Variants in ATG2B observed in about 807,000 individuals in gnomAD.
ATG2B encodes autophagy related 2B, also known as autophagy-related protein 2 homolog B.
In ATG2B, 121 loss-of-function variants were observed where a neutral mutation model predicts 241.3. That is an observed-to-expected ratio of 0.50 (90% CI 0.43 to 0.58). The LOEUF (loss-of-function observed/expected upper bound fraction) is 0.58, where lower values mean the gene tolerates loss of function less well. Ranked by LOEUF, ATG2B falls within the 20% of genes least tolerant of loss-of-function variation. The pLI, the probability that ATG2B is intolerant of heterozygous loss-of-function variation, is 0.00. For synonymous variants in ATG2B, 858 were observed against 876.6 expected (o/e 0.98, Z 0.37); for missense variants, 2,306 against 2,491.6 (o/e 0.93, Z 1.59).
intron 12 of ATG2B, 24 bp from the exon 13 acceptor site, chr14:96,328,790 A>C (rs768322736): frequency 6.6e-7 from 1 of 1,525,874 alleles, no homozygotes; most frequent in Non-Finnish European, 9.0e-7. Context: ...ATGAAGATAA[A>C]TTAAATGTAT....
At chr14:96,340,884 C>T (rs1053278711) in intron 6 of ATG2B, among the ~76,000 whole-genome samples, 29 of 150,564 alleles carry the variant, frequency 1.9e-4, no homozygotes, top group African/African-American at 6.6e-4. Context: ...TGTCACTGCA[C>T]CCCTGCACCC....
In ATG2B at chr14:96,317,697, C is replaced by T. The variant is rs1887351997; in HGVS notation, c.3037+1G>A. 1 of 1,593,118 alleles carries T rather than the reference C, an allele frequency of 6.3e-7. No homozygotes were observed. Among genetic ancestry groups the T allele is most frequent in the Non-Finnish European group, 8.6e-7 (1 of 1,166,686 alleles). ...ATCAAAACAAATTAAAAATATATTA[C>T]CATAGTGAACTGCAGATTTAAATGC... On this transcript the variant is annotated splice_donor_variant, in intron 19 of 41. Coordinates refer to ENST00000359933, the MANE Select transcript of ATG2B (RefSeq NM_018036.7). LOFTEE classifies it high-confidence loss of function.
intron 34 of ATG2B, among the ~76,000 whole-genome samples, chr14:96,297,693 G>A (rs556748776): frequency 2.6e-5 from 4 of 152,104 alleles, no homozygotes; most frequent in African/African-American, 9.6e-5. Context: ...CACCGCACCC[G>A]GCCACTAATC....
chr14:96,311,016 T>C, intron 28 of ATG2B, 101 bp downstream of exon 28: 1 of 1,110,542 alleles, frequency 9.0e-7, no homozygotes, highest in East Asian at 2.7e-5. Context: ...ATGAATGACT[T>C]TCAAAGTTTC....
intron 14 of ATG2B, among the ~76,000 whole-genome samples, chr14:96,326,732 G>A (rs1396128611): frequency 1.3e-5 from 2 of 152,030 alleles, no homozygotes; most frequent in Non-Finnish European, 1.5e-5. Flanking sequence ...CAATTTTTGT[G>A]TTTGTTTTTT....
chr14:96,313,664 T>C (rs1243431974), intron 23 of ATG2B, among the ~76,000 whole-genome samples: 1 of 145,954 alleles, frequency 6.9e-6, no homozygotes, highest in Non-Finnish European at 1.6e-5. Context: ...TTGACTACAA[T>C]AGGCATTTTA....
Position 96,322,261 on chromosome 14 carries a change from CAT to C in ATG2B, c.2737-9_2737-8del. On this transcript the variant is annotated splice_polypyrimidine_tract_variant and splice_region_variant and intron_variant, in intron 17 of 41. Transcript: ENST00000359933. ...GGTCTCCTGGCATCACCATCTAAAACATAATAGTTCAGTGCAAAAAAAAAGGC... is the reference window on the plus strand; with the variant it reads ...GGTCTCCTGGCATCACCATCTAAAACAATAGTTCAGTGCAAAAAAAAAGGC... 2 of 1,581,512 alleles carry C rather than the reference CAT, an allele frequency of 1.3e-6. No individual in the cohort carries two copies. The highest frequency in any genetic ancestry group is 1.7e-6 in the Non-Finnish European group (2 of 1,170,948).
chr14:96,341,419 T>C, intron 6 of ATG2B, 103 bp downstream of exon 6: 2 of 888,764 alleles, frequency 2.3e-6, no homozygotes. Flanking sequence ...GTACACTAGT[T>C]ACAGGATAAT....
At chr14:96,288,531 A>C (rs892909009) in intron 41 of ATG2B, among the ~76,000 whole-genome samples, 1 of 152,050 alleles carries the variant, frequency 6.6e-6, no homozygotes, top group Non-Finnish European at 1.5e-5. Context: ...CTTTTTTTCA[A>C]AGCTGACCAT....
intron 1 of ATG2B, among the ~76,000 whole-genome samples, chr14:96,356,063 C>T (rs545330530): frequency 1.9e-4 from 29 of 151,418 alleles, no homozygotes; most frequent in South Asian, 1.0e-3. Context: ...CCCAGCTACT[C>T]GGGAGGCTGA....
At chr14:96,309,742 T>C (rs1260609927) in intron 28 of ATG2B, 148 bp from the exon 29 acceptor site, 4 of 753,144 alleles carry the variant, frequency 5.3e-6, no homozygotes, top group Non-Finnish European at 8.0e-6. Flanking sequence ...GCAGCTGTTA[T>C]ATTTCAAGTT....
At chr14:96,287,528 T>G (rs1726293142) in intron 41 of ATG2B, among the ~76,000 whole-genome samples, 1 of 152,166 alleles carries the variant, frequency 6.6e-6, no homozygotes, top group Non-Finnish European at 1.5e-5. Flanking sequence ...CCCTATTATT[T>G]AGCTGTGTGA....
At chr14:96,349,506 T>C (rs1888258523) in intron 1 of ATG2B, among the ~76,000 whole-genome samples, 1 of 152,100 alleles carries the variant, frequency 6.6e-6, no homozygotes, top group South Asian at 2.1e-4. Context: ...CTGTTATGAG[T>C]AATAGAAGCT....
Position 96,347,271 on chromosome 14 carries a change from G to A in ATG2B, c.233C>T (p.Ser78Phe). 6.2e-7 allele frequency: 1 copy of A among 1,611,658 alleles called. No individual in the cohort carries two copies. Among genetic ancestry groups the A allele is most frequent in the Non-Finnish European group, 8.5e-7 (1 of 1,178,072 alleles). ...TAAAGAGCCCCATGGAACTGACAGG[G>A]AAATTGACTGAATGAATCCTTCAGT... is the stretch of plus-strand genomic sequence containing the variant. ...EVTEGFIQSISLSVPWGSLLQ... is the reference protein window; with the variant it reads ...EVTEGFIQSIFLSVPWGSLLQ... Residue 78 changes from serine (S) to phenylalanine (F), a missense_variant, in exon 2 of 42, where the codon TCC (serine) becomes TTC (phenylalanine). Physicochemically the swap from Ser to Phe is radical, Grantham distance 155. This residue lies in a region of ATG2B where 1,927 missense variants were observed against 2,011.2 expected (regional missense o/e 0.96). Transcript: ENST00000359933.
rs1365451872 is a variant in ATG2B at position 96,342,539 on chromosome 14, T to C, written c.744+580A>G. On this transcript the variant is annotated intron_variant, in intron 5 of 41. Transcript: ENST00000359933. ...GAGTTCGAGACCAGCCTGGCCAACG[T>C]TGCGAAACCCCGTCTCTACTAAAAA... Among the ~76,000 whole-genome samples the C allele has an allele frequency of 2.6e-5, 4 of 152,056 alleles. No homozygotes were observed. In the East Asian group the frequency reaches 5.8e-4, roughly 22 times the overall value.
chr14:96,317,805 T>G lies in ATG2B; in HGVS notation c.2930A>C (p.Glu977Ala). ...LWEPTAPSPV[E>A]TFENISYGIG... is the part of the protein sequence containing the mutation. ...GCCATAGGAAATATTCTCGAATGTC[T>G]CCACTGGTGAAGGAGCTGTTGGTTC... The change falls in exon 19 of 42, where the codon GAG becomes GCG. Residue 977 changes from glutamate to alanine, a missense_variant. Glu to Ala is a moderately radical substitution (Grantham distance 107, BLOSUM62 -1). Around this residue, in one of 2 missense-constraint regions of ATG2B, gnomAD observed 1,927 missense variants for 2,011.2 expected, o/e 0.96. Coordinates refer to ENST00000359933, the MANE Select transcript of ATG2B (RefSeq NM_018036.7). The G allele has an allele frequency of 6.2e-7, 1 of 1,612,756 alleles. No individual in the cohort carries two copies. Among genetic ancestry groups the G allele is most frequent in the Non-Finnish European group, 8.5e-7 (1 of 1,179,112 alleles).
chr14:96,290,754 A>G lies in ATG2B; in HGVS notation c.5701+60T>C, dbSNP rs1019116938. On this transcript the variant is annotated intron_variant, in intron 39 of 41. Coordinates refer to ENST00000359933, the MANE Select transcript of ATG2B (RefSeq NM_018036.7). This position sits in a 1 kb window ranked among gnomAD's most constrained non-coding sequence, Gnocchi z 4.4. ...GGTCCTCACATAAGTTCTCAAAGGG[A>G]TAAGAATTACTCATCTGAAAAAATA... The G allele has an allele frequency of 3.8e-6, 6 of 1,577,906 alleles. No individual in the cohort carries two copies. The highest frequency in any genetic ancestry group is 5.2e-6 in the Non-Finnish European group (6 of 1,161,396).
At chr14:96,347,455 G>T in intron 1 of ATG2B, 114 bp from the exon 2 acceptor site, 1 of 723,288 alleles carries the variant, frequency 1.4e-6, no homozygotes, top group Non-Finnish European at 2.1e-6. Flanking sequence ...TATAAAGAAA[G>T]CAGAGACTTC....
chr14:96,353,110 G>A (rs1488630189), intron 1 of ATG2B, among the ~76,000 whole-genome samples: 2 of 152,068 alleles, frequency 1.3e-5, no homozygotes, highest in Non-Finnish European at 2.9e-5. Context: ...TCAGTAACAT[G>A]CTGTGCAGGT....
Sources: gnomAD v4.1 joint callset for allele counts (sites outside exome capture counted in the v4.1 genomes callset) on GRCh38, gnomAD v4.1.1 for gene constraint, gnomAD v4.1.1 regional missense constraint, Gnocchi (gnomAD v3.1) non-coding constraint, MANE v1.5 for transcripts, NCBI Gene and HGNC (gene_info 2026-07-23, HGNC 2026-07-21) for gene names.